TAP2: variants seen among roughly 807,000 people sequenced by gnomAD.
The protein encoded by TAP2 is transporter 2, ATP binding cassette subfamily B member, also known as antigen peptide transporter 2.
Under a neutral mutation model 74.7 loss-of-function variants are expected in TAP2, and 49 were observed. The observed-to-expected ratio is 0.66, with a 90% CI of 0.52 to 0.83. The LOEUF (loss-of-function observed/expected upper bound fraction) is 0.83. Ranked by LOEUF, TAP2 falls within the 40% of genes least tolerant of loss-of-function variation. TAP2 has a pLI of 0.00. For missense variants in TAP2, 739 were observed against 859.0 expected, an observed-to-expected ratio of 0.86 and a Z score of 1.75; for synonymous variants, 306 against 368.4, an observed-to-expected ratio of 0.83 and a Z score of 1.94.
chr6:32,824,759 G>A (rs1178681342), downstream of TAP2, among the ~76,000 whole-genome samples: 7 of 152,012 alleles, frequency 4.6e-5, no homozygotes. Flanking sequence ...GCATCTGAAG[G>A]TAATCAATAT....
At chr6:32,833,525 A>C (rs1317554360) in intron 5 of TAP2, among the ~76,000 whole-genome samples, 1 of 152,242 alleles carries the variant, frequency 6.6e-6, no homozygotes, top group Admixed American at 6.5e-5. Flanking sequence ...AATCACACGA[A>C]AAGATGCTCA....
At chr6:32,836,752 A>G (rs1391806741) in intron 3 of TAP2, among the ~76,000 whole-genome samples, 1 of 152,232 alleles carries the variant, frequency 6.6e-6, no homozygotes. Flanking sequence ...ACCATCTTAT[A>G]TGTGGCCCAT....
In TAP2 at chr6:32,827,660, G is replaced by A. The variant is rs1768746309; in HGVS notation, c.*1246C>T. The stretch of plus-strand genomic sequence containing the variant: ...AAAACACCATATGCAAAGGCACAAA[G>A]GTGTTGGGGAAGGCAGAAGTTTGTC... On this transcript the variant is annotated 3_prime_UTR_variant, in exon 12 of 12. Coordinates refer to ENST00000374897, the MANE Select transcript of TAP2 (RefSeq NM_001290043.2). 2.4e-6 allele frequency: 2 copies of A among 839,344 alleles called. No homozygotes were observed. Among genetic ancestry groups the A allele is most frequent in the African/African-American group, 3.6e-5 (2 of 55,204 alleles). The allele number at this position is 839,344 out of a possible 1,614,324, so 52.0% of individuals were successfully genotyped here.
chr6:32,835,729 A>C lies in TAP2; in HGVS notation c.653T>G (p.Met218Arg), dbSNP rs767714464. ...CCGGATCCGCAAGTTGATTCGAGACATGGTGTAGGTGAAGCAGCCTCCTCG... is the reference window on the plus strand; with the variant it reads ...CCGGATCCGCAAGTTGATTCGAGACCTGGTGTAGGTGAAGCAGCCTCCTCG... ...GCRGGCFTYT[M>R]SRINLRIREQ... Residue 218 changes from methionine to arginine, a missense_variant, in exon 4 of 12, where the codon ATG becomes AGG. Met to Arg is a moderately conservative substitution (Grantham distance 91). Coordinates refer to ENST00000374897, the MANE Select transcript of TAP2 (RefSeq NM_001290043.2). This position sits in a 1 kb window ranked among gnomAD's most constrained non-coding sequence, Gnocchi z 4.0. 2.5e-6 allele frequency: 4 copies of C among 1,613,148 alleles called. No homozygotes were observed. Among genetic ancestry groups the C allele is most frequent in the Non-Finnish European group, 3.4e-6 (4 of 1,180,030 alleles).
At chr6:32,836,645 C>T (rs1769438391) in intron 3 of TAP2, among the ~76,000 whole-genome samples, 1 of 152,190 alleles carries the variant, frequency 6.6e-6, no homozygotes, top group Non-Finnish European at 1.5e-5. Context: ...ATAACTGCAC[C>T]TAACACTGTG....
chr6:32,837,388 A>T, intron 3 of TAP2, 149 bp downstream of exon 3: 1 of 715,464 alleles, frequency 1.4e-6, no homozygotes, highest in Non-Finnish European at 2.5e-6. Flanking sequence ...GAATGGATAG[A>T]TGAAACAGAA....
At position 32,832,788 on chromosome 6, in the gene TAP2, C is replaced by G. The variant is rs773759289; in HGVS notation, c.982G>C (p.Ala328Pro). The G allele has an allele frequency of 6.2e-7, 1 of 1,613,004 alleles. No individual in the cohort carries two copies. Among genetic ancestry groups the G allele is most frequent in the South Asian group, 1.1e-5 (1 of 91,082 alleles). Residue 328 changes from alanine to proline, a missense_variant, in exon 6 of 12, where the codon GCG becomes CCG. Transcript: ENST00000374897. The surrounding 1 kb of genome is among the most constrained non-coding windows in gnomAD (Gnocchi z 5.9). ...ACGGCTTCCCGCACCACCTGCCCCG[C>G]CCTGGCCACTGCATCCTGGATCTCC... ...LREIQDAVARAGQVVREAVGG... is the reference protein window; with the variant it reads ...LREIQDAVARPGQVVREAVGG...
In TAP2 at chr6:32,826,325, A is replaced by G; in HGVS notation, c.*2581T>C. 5.1e-6 allele frequency: 5 copies of G among 985,448 alleles called. No individual in the cohort carries two copies. Among genetic ancestry groups the G allele is most frequent in the Non-Finnish European group, 4.8e-6 (4 of 829,952 alleles). The allele number at this position is 985,448 out of a possible 1,614,324, so 61.0% of individuals were successfully genotyped here. A position where few individuals can be genotyped will look rare whatever the true frequency, so the allele number is the denominator to read the frequency against. ...TCCAAGGAAATCTATCAGTTTCCCA[A>G]GCTTTCCCCTCTCCATTCATACTTT... On this transcript the variant is annotated 3_prime_UTR_variant, in exon 12 of 12. Coordinates refer to ENST00000374897, the MANE Select transcript of TAP2 (RefSeq NM_001290043.2).
At position 32,826,117 on chromosome 6, in the gene TAP2, C is replaced by G; in HGVS notation, c.*2789G>C. ...GACAGCTCTAAAACACAAGGAAGAT[C>G]TTTGTTTTCCTTATTCCCTAGTCCT... On this transcript the variant is annotated 3_prime_UTR_variant, in exon 12 of 12. Coordinates refer to ENST00000374897, the MANE Select transcript of TAP2 (RefSeq NM_001290043.2). 1.0e-6 allele frequency: 1 copy of G among 985,418 alleles called. No homozygotes were observed. The highest frequency in any genetic ancestry group is 1.2e-6 in the Non-Finnish European group (1 of 829,940). 61.0% of individuals were successfully genotyped at this position (985,418 alleles called of 1,614,324 possible).
chr6:32,826,832 G>T lies in TAP2; in HGVS notation c.*2074C>A. ...GTATAACTGTACTGAGGAAATCAAA[G>T]AATTTCTCAGATCATCTTCTTCTGT... On this transcript the variant is annotated 3_prime_UTR_variant, in exon 12 of 12. Transcript: ENST00000374897. The T allele has an allele frequency of 1.0e-6, 1 of 985,436 alleles. No homozygotes were observed. The highest frequency in any genetic ancestry group is 1.2e-6 in the Non-Finnish European group (1 of 829,932). The allele number at this position is 985,436 out of a possible 1,614,324, so 61.0% of individuals were successfully genotyped here. A position where few individuals can be genotyped will look rare whatever the true frequency, so the allele number is the denominator to read the frequency against.
chr6:32,832,627 C>T lies in TAP2; in HGVS notation c.1143G>A (p.Arg381=). 3.1e-6 allele frequency: 5 copies of T among 1,613,102 alleles called. No homozygotes were observed. The highest frequency in any genetic ancestry group is 1.3e-5 in the African/African-American group (1 of 75,050). Residue 381 remains arginine, a splice_region_variant and synonymous_variant, in exon 6 of 12, where the codon AGG becomes AGA. Coordinates refer to ENST00000374897, the MANE Select transcript of TAP2 (RefSeq NM_001290043.2). This position sits in a 1 kb window ranked among gnomAD's most constrained non-coding sequence, Gnocchi z 5.9. ...TTTCACAACCACTCTGGTATCTTAC[C>T]CTCCTTACGAGCAGGTACAAGGCGC... ...LERALYLLVR[R]VLHLGVQMLM... is the part of the protein sequence containing the mutation.
intron 3 of TAP2, among the ~76,000 whole-genome samples, chr6:32,837,179 T>C (rs1159354209): frequency 1.3e-5 from 2 of 152,052 alleles, no homozygotes; most frequent in Non-Finnish European, 2.9e-5. Flanking sequence ...GAGAGATACT[T>C]TGGAGACAGA....
rs916279050 is a variant in TAP2, at chr6:32,838,330, T to G, written c.-4-93A>C. 2.8e-6 allele frequency: 4 copies of G among 1,450,510 alleles called. No individual in the cohort carries two copies. In the African/African-American group the frequency reaches 5.8e-5, roughly 21 times the overall value. The allele number at this position is 1,450,510 out of a possible 1,614,324, so 89.9% of individuals were successfully genotyped here. On this transcript the variant is annotated intron_variant, in intron 1 of 11. Coordinates refer to ENST00000374897, the MANE Select transcript of TAP2 (RefSeq NM_001290043.2). ...CGCCCGGCTCCGCCTAACCCGTCCA[T>G]CGGCTTCTCATTTTATCCTATTCAA... is the stretch of plus-strand genomic sequence containing the variant.
chr6:32,829,987 C>G lies in TAP2; in HGVS notation c.1738G>C (p.Ala580Pro). The stretch of plus-strand genomic sequence containing the variant: ...AAGTCATCTGCGTGGGCAGCCTGGG[C>G]AGCCGCCATCACCTTATCATCTTCG... Reference protein sequence around the residue: ...SCEDDKVMAAAQAAHADDFIQ... With the variant: ...SCEDDKVMAAPQAAHADDFIQ... Residue 580 changes from alanine to proline, a missense_variant, in exon 10 of 12, where the codon GCC (alanine) becomes CCC (proline). Ala to Pro is a conservative substitution (Grantham distance 27, BLOSUM62 -1). Transcript: ENST00000374897. 6.2e-7 allele frequency: 1 copy of G among 1,613,096 alleles called. No homozygotes were observed. Among genetic ancestry groups the G allele is most frequent in the Non-Finnish European group, 8.5e-7 (1 of 1,180,022 alleles).
chr6:32,828,205 G>C lies in TAP2; in HGVS notation c.*701C>G, dbSNP rs1049607661. The C allele has an allele frequency of 3.2e-6, 3 of 938,322 alleles. No homozygotes were observed. Among genetic ancestry groups the C allele is most frequent in the African/African-American group, 3.5e-5 (2 of 56,342 alleles). 58.1% of individuals were successfully genotyped at this position (938,322 alleles called of 1,614,324 possible). On this transcript the variant is annotated 3_prime_UTR_variant, in exon 12 of 12. Transcript: ENST00000374897. Reference sequence around the variant, plus strand: ...AGGGTTGGGGATAATGATTAAAAACGATAATACATGAAAAACACTTAGCAT... The same window carrying C: ...AGGGTTGGGGATAATGATTAAAAACCATAATACATGAAAAACACTTAGCAT...
At position 32,835,828 on chromosome 6, in the gene TAP2, G is replaced by A. The variant is rs1279283170; in HGVS notation, c.609-55C>T. The A allele has an allele frequency of 2.9e-5, 47 of 1,611,696 alleles. No homozygotes were observed. The highest frequency in any genetic ancestry group is 4.5e-5 in the East Asian group (2 of 44,860). ...AGATGCAGAGAAGGAGCAAGCCAGCGGGTGAAACAGAGGAGCAAGCCAGGA... is the reference window on the plus strand; with the variant it reads ...AGATGCAGAGAAGGAGCAAGCCAGCAGGTGAAACAGAGGAGCAAGCCAGGA... On this transcript the variant is annotated intron_variant, in intron 3 of 11. Transcript: ENST00000374897. The surrounding 1 kb of genome is among the most constrained non-coding windows in gnomAD (Gnocchi z 4.0).
chr6:32,833,495 A>G (rs1769224227), intron 5 of TAP2, among the ~76,000 whole-genome samples: 2 of 152,244 alleles, frequency 1.3e-5, no homozygotes, highest in South Asian at 4.1e-4. Context: ...TTCTTTCAAG[A>G]AAGAAACATA....
At chr6:32,833,714 A>G (rs1769237140) in intron 5 of TAP2, among the ~76,000 whole-genome samples, 1 of 152,156 alleles carries the variant, frequency 6.6e-6, no homozygotes, top group Admixed American at 6.5e-5. Flanking sequence ...TGCTGCCGCT[A>G]TGGAAAACTG....
downstream of TAP2, chr6:32,821,959 A>C: frequency 7.9e-5 from 22 of 279,438 alleles, no homozygotes; most frequent in Middle Eastern, 1.1e-3. Flanking sequence ...CATGAGGGGA[A>C]GGGGCTGGGG....
Sources: gnomAD v4.1 joint callset for allele counts (sites outside exome capture counted in the v4.1 genomes callset) on GRCh38, gnomAD v4.1.1 for gene constraint, Gnocchi (gnomAD v3.1) non-coding constraint, MANE v1.5 for transcripts, NCBI Gene and HGNC (gene_info 2026-07-23, HGNC 2026-07-21) for gene names.